Variants in AVEN observed in about 807,000 individuals in gnomAD.
AVEN encodes cell death regulator Aven.
In AVEN, 41 loss-of-function variants were observed where a neutral mutation model predicts 38.1. The ratio of observed to expected loss-of-function variants is 1.08; its 90% CI spans 0.84 to 1.40. The LOEUF is 1.40. Ranked by LOEUF, AVEN falls within the 40% of genes most tolerant of loss-of-function variation. The pLI is 0.00. For missense variants in AVEN, 605 were observed against 438.8 expected, an observed-to-expected ratio of 1.38 and a Z score of -3.38; for synonymous variants, 206 against 171.8, an observed-to-expected ratio of 1.20 and a Z score of -1.56.
chr15:33,853,516 G>A, the AVEN span: 2 of 1,600,502 alleles, frequency 1.2e-6, no homozygotes, highest in African/African-American at 2.7e-5. Context: ...TTTGGTGGTG[G>A]CGTGTGGCCT....
At chr15:33,893,498 C>T (rs633239) in intron 2 of AVEN, among the ~76,000 whole-genome samples, 124,747 of 152,108 alleles carry the variant, frequency 0.82, 55,251 homozygotes, top group East Asian at 0.98. Flanking sequence ...GAGTTGGGGG[C>T]TACAGTGAGG....
chr15:33,966,437 C>T (rs1167994340), intron 2 of AVEN, among the ~76,000 whole-genome samples: 1 of 152,030 alleles, frequency 6.6e-6, no homozygotes, highest in Non-Finnish European at 1.5e-5. Context: ...CACAAAGCTC[C>T]CAAATGTTCA....
intron 5 of AVEN, among the ~76,000 whole-genome samples, chr15:34,054,590 C>G (rs1201251983): frequency 6.6e-6 from 1 of 152,152 alleles, no homozygotes; most frequent in Non-Finnish European, 1.5e-5. Flanking sequence ...AAAACGAAAA[C>G]TAAACACCGC....
chr15:33,950,885 T>C (rs767229200), intron 2 of AVEN, among the ~76,000 whole-genome samples: 1 of 152,070 alleles, frequency 6.6e-6, no homozygotes, highest in Non-Finnish European at 1.5e-5. Context: ...CTGATGCTTG[T>C]AGTCCCAGCT....
At chr15:34,061,323 T>C (rs1900329705) in intron 5 of AVEN, among the ~76,000 whole-genome samples, 1 of 152,156 alleles carries the variant, frequency 6.6e-6, no homozygotes, top group South Asian at 2.1e-4. Context: ...CAACAGAGGG[T>C]TAATTAAATA....
Position 33,925,415 on chromosome 15 carries a change from T to C in AVEN, c.446-49420A>G, listed in dbSNP as rs186283918. Among the ~76,000 whole-genome samples, 127 of 152,308 alleles carry C rather than the reference T, an allele frequency of 8.3e-4. 2 individuals carry two copies. Among genetic ancestry groups the C allele is most frequent in the Non-Finnish European group, 5.9e-5 (4 of 68,026 alleles). ...AAGAAGGAAGTCTGGCTAAAGACTT[T>C]AGTGAAGACACTTTGGTTGAAGAAA... On this transcript the variant is annotated intron_variant, in intron 2 of 5. Transcript: ENST00000306730.
At chr15:33,917,459 T>C (rs925440133) in intron 2 of AVEN, among the ~76,000 whole-genome samples, 3 of 147,836 alleles carry the variant, frequency 2.0e-5, no homozygotes, top group Non-Finnish European at 4.5e-5. Context: ...CACACACACA[T>C]ATATATACAC....
intron 1 of AVEN, among the ~76,000 whole-genome samples, chr15:34,006,107 C>T (rs774005726): frequency 9.2e-5 from 14 of 152,124 alleles, no homozygotes; most frequent in Non-Finnish European, 1.9e-4. Context: ...GTGAGGAGAT[C>T]GAGACCATCC....
At chr15:33,913,515 A>T (rs16958327) in intron 2 of AVEN, among the ~76,000 whole-genome samples, 1 of 152,172 alleles carries the variant, frequency 6.6e-6, no homozygotes, top group Non-Finnish European at 1.5e-5. Context: ...TATTAAAATT[A>T]CCTTGCAGTA....
chr15:34,072,208 A>G (rs1900641522), intron 1 of AVEN, among the ~76,000 whole-genome samples: 1 of 152,178 alleles, frequency 6.6e-6, no homozygotes, highest in Admixed American at 6.5e-5. Flanking sequence ...GTTCAAGGTT[A>G]CAGTGACCTA....
At chr15:34,070,579 A>C (rs895643902) in intron 2 of AVEN, among the ~76,000 whole-genome samples, 11 of 152,038 alleles carry the variant, frequency 7.2e-5, no homozygotes, top group Non-Finnish European at 1.6e-4. Flanking sequence ...GCTATGCATA[A>C]ATGGGTACCT....
intron 3 of AVEN, among the ~76,000 whole-genome samples, chr15:33,872,263 G>A (rs1425319779): frequency 2.6e-5 from 4 of 152,236 alleles, no homozygotes; most frequent in Admixed American, 1.3e-4. Context: ...CTGCAAGCCT[G>A]AAGCTTCCTC....
chr15:34,033,783 GTTTTGTT>G (rs1315612804), intron 1 of AVEN, among the ~76,000 whole-genome samples: 12 of 152,170 alleles, frequency 7.9e-5, no homozygotes, highest in East Asian at 7.7e-4. Flanking sequence ...AAAGAGTTGG[GTTTTGTT>G]TTTTGTTTTT....
intron 1 of AVEN, among the ~76,000 whole-genome samples, chr15:34,031,143 T>A (rs1290197615): frequency 6.7e-6 from 1 of 148,366 alleles, no homozygotes; most frequent in Non-Finnish European, 1.5e-5. Context: ...CAGCCTATTA[T>A]CCCAATTATG....
intron 2 of AVEN, among the ~76,000 whole-genome samples, chr15:33,968,059 T>A (rs1597285813): frequency 2.9e-5 from 2 of 68,934 alleles, no homozygotes; most frequent in Non-Finnish European, 2.6e-5. Flanking sequence ...TATGAGAAAA[T>A]AACTCAGCAA....
intron 2 of AVEN, among the ~76,000 whole-genome samples, chr15:33,985,637 C>A (rs1287414697): frequency 6.6e-6 from 1 of 151,980 alleles, no homozygotes; most frequent in Non-Finnish European, 1.5e-5. Flanking sequence ...GAAAGGCAGG[C>A]ACTGTGTTGT....
chr15:33,889,126 T>A (rs1017528495), intron 2 of AVEN, among the ~76,000 whole-genome samples: 48 of 152,340 alleles, frequency 3.2e-4, no homozygotes, highest in African/African-American at 1.1e-3. Flanking sequence ...TTCAGAAAAT[T>A]ATCATTTAAT....
chr15:33,903,828 T>C (rs1438710427), intron 2 of AVEN, among the ~76,000 whole-genome samples: 27 of 152,172 alleles, frequency 1.8e-4, no homozygotes, highest in Admixed American at 5.2e-4. Context: ...ATTAGGTGAT[T>C]TGTCATTGTG....
At chr15:34,029,757 A>T (rs4780200) in intron 1 of AVEN, among the ~76,000 whole-genome samples, 151,148 of 152,320 alleles carry the variant, frequency 0.99, 75,005 homozygotes, top group Middle Eastern at 1. Flanking sequence ...CTTGGAAGGA[A>T]TTGAAGTGTA....
Sources: gnomAD v4.1 joint callset for allele counts (sites outside exome capture counted in the v4.1 genomes callset) on GRCh38, gnomAD v4.1.1 for gene constraint, MANE v1.5 for transcripts, NCBI Gene and HGNC (gene_info 2026-07-23, HGNC 2026-07-21) for gene names.